WWOX: variants seen among roughly 807,000 people sequenced by gnomAD.
The protein encoded by WWOX is WW domain containing oxidoreductase, also known as WW domain-containing oxidoreductase.
WWOX carries 69 observed loss-of-function variants against 46.2 expected under a neutral mutation model. That is an observed-to-expected ratio of 1.49 (90% CI 1.23 to 1.82). The LOEUF is 1.82. WWOX is among the 40% of genes most tolerant of loss of function. The pLI is 0.00. For missense variants in WWOX, 919 were observed against 542.6 expected (o/e 1.69, Z -6.89); for synonymous variants, 359 against 202.6 (o/e 1.77, Z -6.56).
chr16:78,557,771 C>G (rs1028001763), intron 8 of WWOX, among the ~76,000 whole-genome samples: 3 of 143,576 alleles, frequency 2.1e-5, no homozygotes, highest in African/African-American at 8.2e-5. Context: ...TGTCAGCTCA[C>G]TGCAACCTCC....
chr16:78,206,698 G>T (rs972644743), intron 5 of WWOX, among the ~76,000 whole-genome samples: 6 of 151,926 alleles, frequency 3.9e-5, no homozygotes, highest in Middle Eastern at 3.2e-3. Flanking sequence ...TTACCTCCAG[G>T]GTTCAGATAT....
At chr16:78,130,181 C>G (rs936906853) in intron 4 of WWOX, 3 of 152,178 alleles carry the variant, frequency 2.0e-5, no homozygotes, top group African/African-American at 7.2e-5. Flanking sequence ...TATAAATTTC[C>G]CAGTCTTCGA....
At chr16:79,029,433 A>T (rs1046303532) in intron 8 of WWOX, among the ~76,000 whole-genome samples, 1 of 152,204 alleles carries the variant, frequency 6.6e-6, no homozygotes, top group Non-Finnish European at 1.5e-5. Flanking sequence ...TGCACCAGTA[A>T]AGGGTTCTGA....
intron 8 of WWOX, among the ~76,000 whole-genome samples, chr16:79,038,160 G>A (rs1345017167): frequency 6.6e-6 from 1 of 152,110 alleles, no homozygotes; most frequent in Admixed American, 6.6e-5. Flanking sequence ...GACAGGGTGA[G>A]AGGCCACCTG....
intron 8 of WWOX, among the ~76,000 whole-genome samples, chr16:79,015,532 C>T (rs954926751): frequency 5.3e-5 from 8 of 152,088 alleles, no homozygotes; most frequent in Non-Finnish European, 1.5e-5. Flanking sequence ...AAGTCACTTC[C>T]TGGAGGGAAG....
At chr16:78,398,428 G>C (rs748938322) in intron 6 of WWOX, among the ~76,000 whole-genome samples, 13 of 152,186 alleles carry the variant, frequency 8.5e-5, no homozygotes, top group Non-Finnish European at 1.9e-4. Context: ...GTGACAATGA[G>C]GGTAGTTAGG....
chr16:78,414,562 C>G (rs1323467814), intron 6 of WWOX, among the ~76,000 whole-genome samples: 1 of 152,048 alleles, frequency 6.6e-6, no homozygotes, highest in African/African-American at 2.4e-5. Context: ...GTGAAACTGT[C>G]TTAAAACAAA....
At chr16:78,420,973 T>C (rs907408643) in intron 6 of WWOX, among the ~76,000 whole-genome samples, 1 of 152,184 alleles carries the variant, frequency 6.6e-6, no homozygotes, top group Non-Finnish European at 1.5e-5. Context: ...TGAGAAAGTT[T>C]GGGAACCTCT....
chr16:79,074,804 C>G (rs1488840205), intron 8 of WWOX, among the ~76,000 whole-genome samples: 1 of 152,010 alleles, frequency 6.6e-6, no homozygotes, highest in Non-Finnish European at 1.5e-5. Flanking sequence ...GCTGATGTAA[C>G]CATTTCCATT....
At chr16:79,182,190 G>C (rs775766968) in intron 8 of WWOX, among the ~76,000 whole-genome samples, 3 of 151,548 alleles carry the variant, frequency 2.0e-5, no homozygotes, top group Admixed American at 1.3e-4. Context: ...TCATCTTCAG[G>C]TCATGCCCTG....
intron 8 of WWOX, among the ~76,000 whole-genome samples, chr16:79,152,339 C>T (rs1377325120): frequency 6.6e-6 from 1 of 152,060 alleles, no homozygotes; most frequent in Non-Finnish European, 1.5e-5. Flanking sequence ...GAAGAGGAGT[C>T]TGGGGTGAAG....
intron 8 of WWOX, among the ~76,000 whole-genome samples, chr16:78,661,375 C>T (rs2047208135): frequency 6.6e-6 from 1 of 152,268 alleles, no homozygotes; most frequent in East Asian, 1.9e-4. Flanking sequence ...CTTCATAACA[C>T]TGTGTAGTCC....
At chr16:78,598,404 T>C (rs1008377424) in intron 8 of WWOX, among the ~76,000 whole-genome samples, 1 of 152,206 alleles carries the variant, frequency 6.6e-6, no homozygotes, top group African/African-American at 2.4e-5. Flanking sequence ...GGAATGCAAA[T>C]TGAATTTATA....
At chr16:78,376,626 T>C (rs1416794740) in intron 5 of WWOX, among the ~76,000 whole-genome samples, 1 of 152,170 alleles carries the variant, frequency 6.6e-6, no homozygotes, top group African/African-American at 2.4e-5. Context: ...TAATCCTTTG[T>C]TATGGGGGCT....
chr16:78,208,291 C>T (rs1350711622), intron 5 of WWOX, among the ~76,000 whole-genome samples: 3 of 151,964 alleles, frequency 2.0e-5, no homozygotes, highest in Non-Finnish European at 4.4e-5. Context: ...GCAGAAATAA[C>T]ATTTGAGTAA....
chr16:78,782,477 C>G (rs1483726984), intron 8 of WWOX, among the ~76,000 whole-genome samples: 2 of 152,166 alleles, frequency 1.3e-5, no homozygotes, highest in Non-Finnish European at 2.9e-5. Context: ...ATTCTAAATA[C>G]TCTCCCAGAG....
chr16:79,158,568 C>G (rs548011950), intron 8 of WWOX, among the ~76,000 whole-genome samples: 1 of 152,202 alleles, frequency 6.6e-6, no homozygotes, highest in African/African-American at 2.4e-5. Context: ...GATCACTTCA[C>G]GCCTCCCTGT....
intron 8 of WWOX, among the ~76,000 whole-genome samples, chr16:78,801,441 A>G (rs1281487722): frequency 1.3e-5 from 2 of 152,162 alleles, no homozygotes; most frequent in Non-Finnish European, 1.5e-5. Flanking sequence ...CCCAGGAGGT[A>G]GAGGTTGCAG....
At chr16:78,163,995 T>C (rs1468192210) in intron 4 of WWOX, among the ~76,000 whole-genome samples, 188 bp from the exon 5 acceptor site, 1 of 152,122 alleles carries the variant, frequency 6.6e-6, no homozygotes, top group East Asian at 1.9e-4. Context: ...TAGATGCCAG[T>C]AGGACTCTAC....
Sources: allele counts gnomAD v4.1 joint callset (sites outside exome capture counted in the v4.1 genomes callset), GRCh38; gene constraint gnomAD v4.1.1; transcripts MANE v1.5; gene names NCBI Gene and HGNC (gene_info 2026-07-23, HGNC 2026-07-21).